The following LANCL3 variants were observed in gnomAD, a reference collection of about 807,000 sequenced individuals.
LANCL3 encodes lanC-like protein 3.
In LANCL3, 19 loss-of-function variants were observed where a neutral mutation model predicts 26.5. The observed-to-expected ratio is 0.72, with a 90% CI of 0.50 to 1.05. The LOEUF (loss-of-function observed/expected upper bound fraction) is 1.05. LANCL3 is among the 50% of genes least tolerant of loss of function. The pLI is 0.00. For missense variants in LANCL3, 318 were observed against 362.7 expected (o/e 0.88, Z 1.00); for synonymous variants, 160 against 166.6 (o/e 0.96, Z 0.30).
intron 4 of LANCL3, among the ~76,000 whole-genome samples, chrX:37,672,571 T>C (rs1439335304): frequency 8.9e-6 from 1 of 111,953 alleles, no homozygotes; most frequent in Non-Finnish European, 1.9e-5. Context: ...TTCCGATTGG[T>C]CAGTGCAGCT....
intron 1 of LANCL3, among the ~76,000 whole-genome samples, chrX:37,602,356 A>C (rs782489427): frequency 8.9e-6 from 1 of 111,830 alleles, no homozygotes; most frequent in South Asian, 3.8e-4. Flanking sequence ...CAGCTTAATG[A>C]ATCTCTAATG....
Position 37,633,647 on chromosome X carries a change from A to G in LANCL3, c.574-22041A>G, listed in dbSNP as rs967694321. 9.8e-5 allele frequency among the ~76,000 whole-genome samples: 11 copies of G among 111,823 alleles called. No individual in the cohort carries two copies. In the South Asian group the frequency reaches 1.5e-3, roughly 16 times the overall value. On this transcript the variant is annotated intron_variant, in intron 1 of 4. Transcript: ENST00000378619. ...TCTGTTTGTTAGTTTTCCTTCTAAC[A>G]GACAGGACCCTCAGCTGCAGGTCTG...
chrX:37,637,923 T>C (rs1419476938), intron 1 of LANCL3, among the ~76,000 whole-genome samples: 2 of 110,977 alleles, frequency 1.8e-5, no homozygotes, highest in African/African-American at 6.6e-5. Context: ...TAAACACACC[T>C]GAATGAGGCT....
intron 1 of LANCL3, among the ~76,000 whole-genome samples, chrX:37,652,521 A>C (rs1556429419): frequency 2.7e-5 from 3 of 112,444 alleles, no homozygotes; most frequent in Non-Finnish European, 3.8e-5. Context: ...TTTTTGAAAT[A>C]TCTTAATTTA....
At chrX:37,630,058 G>C (rs1353971430) in intron 1 of LANCL3, among the ~76,000 whole-genome samples, 9 of 111,562 alleles carry the variant, frequency 8.1e-5, no homozygotes, top group Non-Finnish European at 1.3e-4. Flanking sequence ...CCATTTTCAC[G>C]ATATTGATTC....
At position 37,677,427 on chromosome X, in the gene LANCL3, T is replaced by C. The variant is rs1926843222; in HGVS notation, c.*1614T>C. Reference sequence around the variant, plus strand: ...TGACCAAAGAAAGGTAACAACTATCTTTGTGTATTTTATGACTGTGTGTGT... The same window carrying C: ...TGACCAAAGAAAGGTAACAACTATCCTTGTGTATTTTATGACTGTGTGTGT... On this transcript the variant is annotated 3_prime_UTR_variant, in exon 5 of 5. Coordinates refer to ENST00000378619, the MANE Select transcript of LANCL3 (RefSeq NM_001170331.2). 1 of 111,846 alleles carries C rather than the reference T, an allele frequency of 8.9e-6. No individual in the cohort carries two copies. Among genetic ancestry groups the C allele is most frequent in the Admixed American group, 9.5e-5 (1 of 10,520 alleles). 9.2% of individuals were successfully genotyped at this position (111,846 alleles called of 1,213,427 possible).
chrX:37,588,767 G>T (rs189654291), intron 1 of LANCL3, among the ~76,000 whole-genome samples: 6,170 of 112,025 alleles, frequency 0.055, 417 homozygotes, highest in African/African-American at 0.19. Flanking sequence ...ATAAAGAAGC[G>T]GTTTTTCAGA....
intron 1 of LANCL3, among the ~76,000 whole-genome samples, chrX:37,582,367 C>T (rs1923923680): frequency 8.9e-6 from 1 of 112,045 alleles, no homozygotes; most frequent in South Asian, 3.8e-4. Context: ...CACTGTCTTC[C>T]ACAATGGTTG....
At chrX:37,611,484 G>A (rs1282792400) in intron 1 of LANCL3, among the ~76,000 whole-genome samples, 6 of 111,790 alleles carry the variant, frequency 5.4e-5, no homozygotes, top group African/African-American at 2.0e-4. Context: ...AAACAAGGAG[G>A]ATAGGGCCTG....
chrX:37,611,109 G>A (rs1215416821), intron 1 of LANCL3, among the ~76,000 whole-genome samples: 2 of 112,030 alleles, frequency 1.8e-5, no homozygotes, highest in Non-Finnish European at 3.8e-5. Flanking sequence ...GGAAAGTAGA[G>A]TATTTATACA....
chrX:37,597,582 T>C (rs986570875), intron 1 of LANCL3, among the ~76,000 whole-genome samples: 1 of 109,107 alleles, frequency 9.2e-6, no homozygotes, highest in Non-Finnish European at 1.9e-5. Context: ...GGGGTGATCA[T>C]AGCTCACTGC....
At chrX:37,572,596 T>C (rs1426088200) in intron 1 of LANCL3, among the ~76,000 whole-genome samples, 153 bp downstream of exon 1, 1 of 112,612 alleles carries the variant, frequency 8.9e-6, no homozygotes, top group African/African-American at 3.2e-5. Flanking sequence ...CCTTGAGGTC[T>C]ATCTCCTGCT....
intron 1 of LANCL3, among the ~76,000 whole-genome samples, chrX:37,652,289 T>A (rs1926168204): frequency 9.0e-6 from 1 of 110,990 alleles, no homozygotes; most frequent in African/African-American, 3.3e-5. Context: ...TCCTTTTTAT[T>A]GACTTTTTTT....
chrX:37,609,938 A>G (rs1216699879), intron 1 of LANCL3, among the ~76,000 whole-genome samples: 1 of 112,213 alleles, frequency 8.9e-6, no homozygotes, highest in Non-Finnish European at 1.9e-5. Flanking sequence ...TCAGCTTTCC[A>G]TTATTGGGAA....
At chrX:37,627,693 A>G (rs1048084859) in intron 1 of LANCL3, among the ~76,000 whole-genome samples, 4 of 111,912 alleles carry the variant, frequency 3.6e-5, no homozygotes, top group Admixed American at 2.8e-4. Context: ...AGAGAGTGCT[A>G]GCACCTCAGA....
chrX:37,629,861 A>T (rs1222483207), intron 1 of LANCL3, among the ~76,000 whole-genome samples: 1 of 111,102 alleles, frequency 9.0e-6, no homozygotes, highest in African/African-American at 3.3e-5. Flanking sequence ...GCCTTGTAGT[A>T]TAGTTTGAAG....
chrX:37,667,509 T>TA lies in LANCL3; in HGVS notation c.1103+20_1103+21insA. ...TCAAAGGTCAGCTGTTCTTTATGGG[T>TA]CTTTTTTTTTTTCAAAATTTTAATC... On this transcript the variant is annotated intron_variant, in intron 4 of 4. Coordinates refer to ENST00000378619, the MANE Select transcript of LANCL3 (RefSeq NM_001170331.2). 3.0e-6 allele frequency: 3 copies of TA among 988,637 alleles called. No homozygotes were observed. The highest frequency in any genetic ancestry group is 1.3e-6 in the Non-Finnish European group (1 of 768,986). 81.5% of individuals were successfully genotyped at this position (988,637 alleles called of 1,213,427 possible). A position where few individuals can be genotyped will look rare whatever the true frequency, so the allele number is the denominator to read the frequency against.
intron 1 of LANCL3, among the ~76,000 whole-genome samples, chrX:37,599,052 G>A (rs973372632): frequency 2.0e-4 from 22 of 112,132 alleles, no homozygotes; most frequent in Non-Finnish European, 3.6e-4. Flanking sequence ...AAGGGACTTC[G>A]AAGTATCTAG....
chrX:37,581,097 C>T (rs1281776350), intron 1 of LANCL3, among the ~76,000 whole-genome samples: 2 of 111,234 alleles, frequency 1.8e-5, no homozygotes, highest in Non-Finnish European at 1.9e-5. Context: ...TGATGCCGCT[C>T]TTGCTGGTTT....
Sources: gnomAD v4.1 joint callset for allele counts (sites outside exome capture counted in the v4.1 genomes callset) on GRCh38, gnomAD v4.1.1 for gene constraint, MANE v1.5 for transcripts, NCBI Gene and HGNC (gene_info 2026-07-23, HGNC 2026-07-21) for gene names.